SRGAP3: variants seen among roughly 807,000 people sequenced by gnomAD.
SRGAP3 encodes SLIT-ROBO Rho GTPase-activating protein 3.
In SRGAP3, 39 loss-of-function variants were observed where a neutral mutation model predicts 121.1. That is an observed-to-expected ratio of 0.32 (90% confidence interval 0.25 to 0.42). The LOEUF (loss-of-function observed/expected upper bound fraction) is 0.42. Ranked by LOEUF, SRGAP3 falls within the 10% of genes least tolerant of loss-of-function variation. The probability of loss-of-function intolerance (pLI) is 1.00; values close to 1 mark genes in which losing one functional copy is unlikely to be tolerated. For missense variants in SRGAP3, 1,213 were observed against 1,470.6 expected, an observed-to-expected ratio of 0.82 and a Z score of 2.86; for synonymous variants, 601 against 570.0, an observed-to-expected ratio of 1.05 and a Z score of -0.77.
chr3:9,084,393 A>G (rs1317498506), intron 3 of SRGAP3, among the ~76,000 whole-genome samples: 1 of 152,172 alleles, frequency 6.6e-6, no homozygotes, highest in African/African-American at 2.4e-5. Context: ...GGTCAAATGG[A>G]AAGTTTTAGC....
intron 1 of SRGAP3, among the ~76,000 whole-genome samples, chr3:9,166,205 T>C (rs1950779349): frequency 6.6e-6 from 1 of 152,208 alleles, no homozygotes; most frequent in African/African-American, 2.4e-5. Context: ...CATCCTTCAG[T>C]TAATCCTTCC....
intron 12 of SRGAP3, among the ~76,000 whole-genome samples, chr3:9,029,943 C>T (rs1311289477): frequency 6.6e-6 from 1 of 151,438 alleles, no homozygotes; most frequent in Non-Finnish European, 1.5e-5. Context: ...GAGTTCAAGA[C>T]CAGCCTGAAC....
intron 3 of SRGAP3, among the ~76,000 whole-genome samples, chr3:9,295,101 C>A (rs1279990436): frequency 2.0e-5 from 3 of 152,110 alleles, no homozygotes; most frequent in Non-Finnish European, 4.4e-5. Context: ...GCTAATTATA[C>A]AGCTTATCAA....
At chr3:9,090,251 C>T (rs1289325856) in intron 3 of SRGAP3, among the ~76,000 whole-genome samples, 2 of 152,094 alleles carry the variant, frequency 1.3e-5, no homozygotes, top group Non-Finnish European at 2.9e-5. Context: ...AAGACCAGAT[C>T]CCTGGCTTTA....
At chr3:9,096,939 A>ATATG (rs1947997599) in intron 3 of SRGAP3, among the ~76,000 whole-genome samples, 1 of 22,776 alleles carries the variant, frequency 4.4e-5, no homozygotes, top group Admixed American at 6.1e-4. Flanking sequence ...ATTATTTTGT[A>ATATG]TATATATATA....
At chr3:9,321,568 T>C (rs934453300) in intron 3 of SRGAP3, among the ~76,000 whole-genome samples, 1 of 152,020 alleles carries the variant, frequency 6.6e-6, no homozygotes, top group South Asian at 2.1e-4. Flanking sequence ...GTGACAGCAG[T>C]CGGGTTTGTC....
chr3:9,072,110 C>G (rs1204812328), intron 4 of SRGAP3, among the ~76,000 whole-genome samples: 5 of 152,188 alleles, frequency 3.3e-5, no homozygotes, highest in African/African-American at 1.2e-4. Flanking sequence ...CTACCCATAT[C>G]AGTCCTGATC....
At chr3:9,158,359 A>G (rs1950492780) in intron 1 of SRGAP3, among the ~76,000 whole-genome samples, 1 of 152,194 alleles carries the variant, frequency 6.6e-6, no homozygotes, top group Non-Finnish European at 1.5e-5. Flanking sequence ...GCTCATTCAC[A>G]TGCAGCCCCC....
chr3:9,027,799 G>A (rs1164629895), intron 12 of SRGAP3, among the ~76,000 whole-genome samples: 1 of 152,202 alleles, frequency 6.6e-6, no homozygotes, highest in Non-Finnish European at 1.5e-5. Flanking sequence ...GTCACTTAAA[G>A]AGCATCAAAT....
rs888030818 is a variant in SRGAP3 at position 9,017,407 on chromosome 3, A to G, written c.1679-1676T>C. On this transcript the variant is annotated intron_variant, in intron 14 of 21. Coordinates refer to ENST00000383836, the MANE Select transcript of SRGAP3 (RefSeq NM_014850.4). ...TATAATACACAATCAATGGTGTAAC[A>G]GTTTTAATAGCAATATTACCACTAA... Among the ~76,000 whole-genome samples the G allele has an allele frequency of 2.6e-5, 4 of 152,244 alleles. No homozygotes were observed. The East Asian group carries it at 5.8e-4, about 22-fold the overall frequency.
intron 1 of SRGAP3, among the ~76,000 whole-genome samples, chr3:9,347,597 A>G (rs147164452): frequency 6.6e-6 from 1 of 152,306 alleles, no homozygotes; most frequent in Non-Finnish European, 1.5e-5. Flanking sequence ...ACTCTTTATT[A>G]GAATATGAAA....
chr3:9,062,342 T>G (rs1383615636), intron 5 of SRGAP3, among the ~76,000 whole-genome samples: 2 of 152,198 alleles, frequency 1.3e-5, no homozygotes, highest in African/African-American at 4.8e-5. Context: ...GGACTTCCAG[T>G]CAGCACTCAC....
intron 3 of SRGAP3, among the ~76,000 whole-genome samples, chr3:9,270,923 T>C (rs1954463454): frequency 6.6e-6 from 1 of 152,238 alleles, no homozygotes; most frequent in South Asian, 2.1e-4. Context: ...AGAAGACTGG[T>C]ACAGCATGTA....
chr3:9,173,767 C>T (rs1342974890), intron 1 of SRGAP3, among the ~76,000 whole-genome samples: 1 of 152,176 alleles, frequency 6.6e-6, no homozygotes, highest in Non-Finnish European at 1.5e-5. Context: ...ACCTCCACCC[C>T]TGCCATAATT....
chr3:9,058,694 T>G (rs547737900), intron 6 of SRGAP3: 421 of 557,038 alleles, frequency 7.6e-4, no homozygotes, highest in African/African-American at 7.3e-3. Flanking sequence ...GTTCCCTATA[T>G]TCACCATCTT....
intron 1 of SRGAP3, among the ~76,000 whole-genome samples, chr3:9,353,519 T>C (rs1450977406): frequency 6.6e-6 from 1 of 152,228 alleles, no homozygotes; most frequent in East Asian, 1.9e-4. Flanking sequence ...TCTTGAAAAT[T>C]TACTGTGATG....
chr3:8,989,568 G>A (rs1465398305), intron 21 of SRGAP3, among the ~76,000 whole-genome samples: 1 of 152,134 alleles, frequency 6.6e-6, no homozygotes, highest in Non-Finnish European at 1.5e-5. Flanking sequence ...GGTTCTGATT[G>A]TCTCTGTTAC....
Position 8,985,457 on chromosome 3 carries a change from C to G in SRGAP3, c.*62G>C, listed in dbSNP as rs1208944597. On this transcript the variant is annotated 3_prime_UTR_variant, in exon 22 of 22. Transcript: ENST00000383836. This position sits in a 1 kb window ranked among gnomAD's most constrained non-coding sequence, Gnocchi z 5.1. ...TCACTGGGAAGCACGTGGAAGCCAC[C>G]AAGGCCACCCTGGGCCGTGGTGAGC... 1.4e-5 allele frequency: 23 copies of G among 1,590,350 alleles called. No individual in the cohort carries two copies. Among genetic ancestry groups the G allele is most frequent in the Non-Finnish European group, 1.8e-5 (21 of 1,175,662 alleles).
chr3:9,073,382 C>T (rs112860407), intron 4 of SRGAP3, among the ~76,000 whole-genome samples: 3 of 152,188 alleles, frequency 2.0e-5, no homozygotes, highest in East Asian at 1.9e-4. Context: ...TAGGCTCAAG[C>T]GATCTGCCTG....
Sources: gnomAD v4.1 joint callset for allele counts (sites outside exome capture counted in the v4.1 genomes callset) on GRCh38, gnomAD v4.1.1 for gene constraint, Gnocchi (gnomAD v3.1) non-coding constraint, MANE v1.5 for transcripts, NCBI Gene and HGNC (gene_info 2026-07-23, HGNC 2026-07-21) for gene names.